Variants in PDE10A observed in about 807,000 individuals in gnomAD.
PDE10A encodes cAMP and cAMP-inhibited cGMP 3',5'-cyclic phosphodiesterase 10A.
PDE10A carries 39 observed loss-of-function variants against 97.7 expected under a neutral mutation model. The observed-to-expected ratio is 0.40, with a 90% CI of 0.31 to 0.52. The LOEUF (loss-of-function observed/expected upper bound fraction) is 0.52. Ranked by LOEUF, PDE10A falls within the 20% of genes least tolerant of loss-of-function variation. The pLI is 0.56. For synonymous variants in PDE10A, 371 were observed against 376.8 expected, an observed-to-expected ratio of 0.98 and a Z score of 0.18; for missense variants, 731 against 1,047.8, an observed-to-expected ratio of 0.70 and a Z score of 4.17.
At chr6:165,473,746 ATAAC>A (rs373412812) in intron 3 of PDE10A, among the ~76,000 whole-genome samples, 1 of 152,352 alleles carries the variant, frequency 6.6e-6, no homozygotes, top group Non-Finnish European at 1.5e-5. Context: ...AAAAAATAAA[ATAAC>A]TAAATAATCA....
At chr6:165,603,030 A>T (rs1056573635) in intron 1 of PDE10A, among the ~76,000 whole-genome samples, 1 of 152,238 alleles carries the variant, frequency 6.6e-6, no homozygotes, top group Middle Eastern at 3.2e-3. Context: ...ATTTTAGAAG[A>T]GGGAAAATAA....
At chr6:165,510,218 T>C (rs1244506221) in intron 2 of PDE10A, among the ~76,000 whole-genome samples, 1 of 152,036 alleles carries the variant, frequency 6.6e-6, no homozygotes, top group Non-Finnish European at 1.5e-5. Flanking sequence ...GGGTCTGGCA[T>C]ATATGGTTTT....
intron 1 of PDE10A, among the ~76,000 whole-genome samples, chr6:165,678,332 T>C (rs1386802304): frequency 2.0e-5 from 3 of 151,452 alleles, no homozygotes; most frequent in African/African-American, 7.3e-5. Flanking sequence ...TCTTTCCTTC[T>C]GTTTGTTTCT....
At chr6:165,595,054 G>A (rs1786503966) in intron 1 of PDE10A, among the ~76,000 whole-genome samples, 1 of 152,198 alleles carries the variant, frequency 6.6e-6, no homozygotes, top group South Asian at 2.1e-4. Context: ...AACAAAGTGA[G>A]TCAATTCTGA....
Position 165,662,014 on chromosome 6 carries a change from G to A in PDE10A, c.798C>T (p.Asp266=). 6.7e-7 allele frequency: 1 copy of A among 1,503,176 alleles called. No individual in the cohort carries two copies. Among genetic ancestry groups the A allele is most frequent in the Non-Finnish European group, 9.0e-7 (1 of 1,114,740 alleles). The allele number at this position is 1,503,176 out of a possible 1,614,324, so 93.1% of individuals were successfully genotyped here. A position where few individuals can be genotyped will look rare whatever the true frequency, so the allele number is the denominator to read the frequency against. ...CATTATTAGAAGGTCCATCTTCCATGTCGGAGCCGAAGAGCAGCGCGGCCG... is the reference window on the plus strand; with the variant it reads ...CATTATTAGAAGGTCCATCTTCCATATCGGAGCCGAAGAGCAGCGCGGCCG... ...AAAAALLFGS[D]MEDGPSNNAS... Residue 266 remains aspartate (D), a synonymous_variant, in exon 1 of 22, where the codon GAC becomes GAT. Transcript: ENST00000539869.
intron 20 of PDE10A, among the ~76,000 whole-genome samples, chr6:165,336,949 T>G (rs1223134387): frequency 6.6e-6 from 1 of 152,020 alleles, no homozygotes; most frequent in Non-Finnish European, 1.5e-5. Flanking sequence ...TCCGCCCTCG[T>G]GCTCAGGTTT....
At chr6:165,627,861 A>G (rs1788457176) in intron 1 of PDE10A, among the ~76,000 whole-genome samples, 1 of 152,226 alleles carries the variant, frequency 6.6e-6, no homozygotes, top group African/African-American at 2.4e-5. Flanking sequence ...TCTGAATGAA[A>G]TCTGAGAAGC....
intron 1 of PDE10A, among the ~76,000 whole-genome samples, chr6:165,648,099 A>G (rs1583710412): frequency 6.6e-6 from 1 of 151,644 alleles, no homozygotes; most frequent in Admixed American, 6.6e-5. Context: ...TGCAAGCTCC[A>G]CCTCTCGGGT....
chr6:165,894,160 C>T (rs1284010118), intron 1 of PDE10A: 2 of 368,650 alleles, frequency 5.4e-6, no homozygotes, highest in African/African-American at 4.2e-5. Flanking sequence ...TTCAATATGA[C>T]AGCTGATTTA....
intron 1 of PDE10A, among the ~76,000 whole-genome samples, chr6:165,805,251 G>C (rs1177109427): frequency 2.0e-5 from 3 of 152,096 alleles, no homozygotes; most frequent in African/African-American, 4.8e-5. Context: ...AGCCTACCCT[G>C]GAGGCAGCGG....
intron 1 of PDE10A, among the ~76,000 whole-genome samples, chr6:165,970,967 G>A (rs368687337): frequency 3.9e-4 from 59 of 152,300 alleles, no homozygotes; most frequent in African/African-American, 1.1e-3. Flanking sequence ...GGCCAACATG[G>A]CAAAGCCCCG....
chr6:165,591,157 T>C (rs928114771), intron 1 of PDE10A, among the ~76,000 whole-genome samples: 2 of 152,178 alleles, frequency 1.3e-5, no homozygotes, highest in Non-Finnish European at 1.5e-5. Context: ...CAAAAGATCA[T>C]GTGTAATTCA....
At chr6:165,427,739 AGTGTCAGTCTACATTATAACTTTAT>A (rs1201564207) in intron 10 of PDE10A, among the ~76,000 whole-genome samples, 1 of 152,164 alleles carries the variant, frequency 6.6e-6, no homozygotes, top group African/African-American at 2.4e-5. Flanking sequence ...GCATAAGCTC[AGTGTCAGTCTACATTATAACTTTAT>A]ATTTTTCTTA....
chr6:165,621,019 C>CAA (rs554929440), intron 1 of PDE10A, among the ~76,000 whole-genome samples: 1,337 of 107,304 alleles, frequency 0.012, 29 homozygotes, highest in African/African-American at 0.044. Flanking sequence ...GACTCTGTCT[C>CAA]AAAAAAAAAA....
chr6:165,776,358 A>C (rs1223935610), intron 1 of PDE10A, among the ~76,000 whole-genome samples: 1 of 152,232 alleles, frequency 6.6e-6, no homozygotes, highest in African/African-American at 2.4e-5. Flanking sequence ...AGTAACATCC[A>C]AGTAGATTCA....
intron 3 of PDE10A, among the ~76,000 whole-genome samples, chr6:165,463,944 C>T (rs930148450): frequency 1.3e-5 from 2 of 152,234 alleles, no homozygotes; most frequent in African/African-American, 4.8e-5. Context: ...TAATTAGGTC[C>T]ATCCCTTCGT....
At chr6:165,857,286 C>T (rs1019469796) in intron 1 of PDE10A, among the ~76,000 whole-genome samples, 1 of 152,190 alleles carries the variant, frequency 6.6e-6, no homozygotes, top group African/African-American at 2.4e-5. Context: ...CGGACCTGAA[C>T]CCCAGGAGGA....
chr6:165,761,570 A>C (rs1793251893), intron 1 of PDE10A, among the ~76,000 whole-genome samples: 1 of 152,190 alleles, frequency 6.6e-6, no homozygotes, highest in African/African-American at 2.4e-5. Flanking sequence ...GATCAACGTG[A>C]AGTTAAGACA....
intron 18 of PDE10A, among the ~76,000 whole-genome samples, chr6:165,348,713 G>A (rs776101169): frequency 2.6e-5 from 4 of 152,170 alleles, no homozygotes; most frequent in African/African-American, 7.2e-5. Context: ...ATCTTGAATT[G>A]TAGTTCCCAT....
Sources: gnomAD v4.1 joint callset for allele counts (sites outside exome capture counted in the v4.1 genomes callset) on GRCh38, gnomAD v4.1.1 for gene constraint, MANE v1.5 for transcripts, NCBI Gene and HGNC (gene_info 2026-07-23, HGNC 2026-07-21) for gene names.